The following DHTKD1 variants were observed in gnomAD, a reference collection of about 807,000 sequenced individuals.
The protein encoded by DHTKD1 is 2-oxoadipate dehydrogenase complex component E1.
DHTKD1 carries 78 observed loss-of-function variants against 101.8 expected under a neutral mutation model. That is an observed-to-expected ratio of 0.77 (90% CI 0.64 to 0.93). The LOEUF is 0.93. Among genes scored for constraint, DHTKD1 ranks in the 40% least tolerant of loss-of-function variants. The pLI is 0.00. For missense variants in DHTKD1, 1,223 were observed against 1,161.7 expected, an observed-to-expected ratio of 1.05 and a Z score of -0.77; for synonymous variants, 462 against 450.3, an observed-to-expected ratio of 1.03 and a Z score of -0.33.
intron 7 of DHTKD1, 56 bp from the exon 8 acceptor site, chr10:12,097,626 GTC>G (rs1270621990): frequency 6.8e-7 from 1 of 1,467,794 alleles, no homozygotes; most frequent in African/African-American, 1.4e-5. Context: ...GACTCTCCTT[GTC>G]TCTATTAGAT....
chr10:12,077,495 C>G (rs1345612545), intron 1 of DHTKD1, among the ~76,000 whole-genome samples: 1 of 152,196 alleles, frequency 6.6e-6, no homozygotes, highest in Non-Finnish European at 1.5e-5. Context: ...CCTTGGCCTC[C>G]CAAAGTGCTG....
chr10:12,069,191 G>A lies in DHTKD1; in HGVS notation c.154+4G>A, dbSNP rs900927260. ...GGCGCCCTGGAGCGCCCCCCAGGTC[G>A]GGGATGGGGCCCGGGCGGTGGGAGC... On this transcript the variant is annotated splice_donor_region_variant and intron_variant, in intron 1 of 16. Transcript: ENST00000263035. The A allele has an allele frequency of 6.5e-7, 1 of 1,544,114 alleles. No individual in the cohort carries two copies. The highest frequency in any genetic ancestry group is 1.4e-5 in the African/African-American group (1 of 72,048).
chr10:12,095,579 C>T (rs1411610893), intron 7 of DHTKD1, among the ~76,000 whole-genome samples: 1 of 151,170 alleles, frequency 6.6e-6, no homozygotes, highest in African/African-American at 2.4e-5. Flanking sequence ...TTTGGGAGGC[C>T]GAGGCGGGCG....
chr10:12,121,139 G>C lies in DHTKD1; in HGVS notation c.*251G>C, dbSNP rs1304423233. 8.3e-6 allele frequency: 3 copies of C among 361,096 alleles called. No homozygotes were observed. Among genetic ancestry groups the C allele is most frequent in the African/African-American group, 6.6e-5 (3 of 45,262 alleles). The allele number at this position is 361,096 out of a possible 1,614,324, so 22.4% of individuals were successfully genotyped here. A position where few individuals can be genotyped will look rare whatever the true frequency, so the allele number is the denominator to read the frequency against. Reference sequence around the variant, plus strand: ...GGAGGCTGAGGCAAGAGAATCGCTTGAATCTGGGAGGCGGAGGTTGCAGTG... The same window carrying C: ...GGAGGCTGAGGCAAGAGAATCGCTTCAATCTGGGAGGCGGAGGTTGCAGTG... On this transcript the variant is annotated 3_prime_UTR_variant, in exon 17 of 17. Coordinates refer to ENST00000263035, the MANE Select transcript of DHTKD1 (RefSeq NM_018706.7).
At chr10:12,115,317 G>A (rs142495973) in intron 13 of DHTKD1, among the ~76,000 whole-genome samples, 1,535 of 152,110 alleles carry the variant, frequency 0.01, 34 homozygotes, top group African/African-American at 0.035. Context: ...GGCTGGTCTC[G>A]AACTCCTGGC....
intron 1 of DHTKD1, among the ~76,000 whole-genome samples, chr10:12,071,716 C>G: frequency 6.6e-6 from 1 of 152,126 alleles, no homozygotes; most frequent in African/African-American, 2.4e-5. Context: ...TCACTTGAGA[C>G]AGGGTCTTGC....
chr10:12,117,210 A>G (rs915728114), intron 13 of DHTKD1, among the ~76,000 whole-genome samples: 5 of 150,626 alleles, frequency 3.3e-5, no homozygotes, highest in East Asian at 2.0e-4. Context: ...GGATTTCACC[A>G]TGTTGGCCAG....
At chr10:12,094,692 G>C (rs1469540971) in intron 7 of DHTKD1, among the ~76,000 whole-genome samples, 1 of 151,532 alleles carries the variant, frequency 6.6e-6, no homozygotes, top group Non-Finnish European at 1.5e-5. Flanking sequence ...GAGTGCAGGT[G>C]GCACAGTCTT....
Position 12,120,228 on chromosome 10 carries a change from G to A in DHTKD1, c.2619G>A (p.Ser873=), listed in dbSNP as rs200516805. ...AACCTCAGAACATGGGTCCGTGGTCGTTTGTTTCTCCAAGGTTTGAAAAGC... is the reference window on the plus strand; with the variant it reads ...AACCTCAGAACATGGGTCCGTGGTCATTTGTTTCTCCAAGGTTTGAAAAGC... The part of the protein sequence containing the change: ...QEEPQNMGPW[S]FVSPRFEKQL... The change falls in exon 16 of 17, where the codon TCG becomes TCA. Residue 873 remains serine (S), a synonymous_variant. Transcript: ENST00000263035. 1.3e-5 allele frequency: 21 copies of A among 1,613,814 alleles called. No homozygotes were observed. The highest frequency in any genetic ancestry group is 5.0e-5 in the Admixed American group (3 of 59,980).
rs368839395 is a variant in DHTKD1, at chr10:12,106,408, C to T, written c.2047+12C>T. ...ATTCATCTCTGGAGGTTGGTGTCAGCGTATAGGGTGGGTACAGGTGGGGGT... is the reference window on the plus strand; with the variant it reads ...ATTCATCTCTGGAGGTTGGTGTCAGTGTATAGGGTGGGTACAGGTGGGGGT... On this transcript the variant is annotated intron_variant, in intron 11 of 16. Transcript: ENST00000263035. 29 of 1,613,946 alleles carry T rather than the reference C, an allele frequency of 1.8e-5. No homozygotes were observed. The African/African-American group carries it at 2.8e-4, about 16-fold the overall frequency.
rs1465533213 is a variant in DHTKD1 at position 12,107,018 on chromosome 10, T to A, written c.2047+622T>A. On this transcript the variant is annotated intron_variant, in intron 11 of 16. Transcript: ENST00000263035. This position sits in a 1 kb window ranked among gnomAD's most constrained non-coding sequence, Gnocchi z 4.1. ...TTTTTTTTTTGAGACGGAGTCTCGC[T>A]CTGTCACCCAGGCTGGAGTGCAGTG... Among the ~76,000 whole-genome samples the A allele has an allele frequency of 6.7e-6, 1 of 150,010 alleles. No homozygotes were observed. Among genetic ancestry groups the A allele is most frequent in the African/African-American group, 2.5e-5 (1 of 40,706 alleles).
chr10:12,119,825 A>G (rs929444501), intron 15 of DHTKD1, among the ~76,000 whole-genome samples: 1 of 152,086 alleles, frequency 6.6e-6, no homozygotes, highest in African/African-American at 2.4e-5. Context: ...CCAGAACTTA[A>G]AAAAGAAAAA....
At chr10:12,069,306 T>TG in intron 1 of DHTKD1, 119 bp downstream of exon 1, 1 of 170,602 alleles carries the variant, frequency 5.9e-6, no homozygotes, top group Non-Finnish European at 9.9e-6. Context: ...GCGCGGCCGG[T>TG]GGGGAGGAGG....
In DHTKD1 at chr10:12,094,183, A is replaced by AT. The variant is rs1833034171; in HGVS notation, c.1272dup (p.Ile425TyrfsTer2). ...CCAACGCCAGTTCCGCAAGGATGTG[A>AT]TTATTGATCTGTTGTGCTACAGGCA... is the stretch of plus-strand genomic sequence containing the variant. On this transcript the variant is annotated frameshift_variant, in exon 7 of 17. Transcript: ENST00000263035. LOFTEE classifies it high-confidence loss of function. 2 of 1,614,158 alleles carry AT rather than the reference A, an allele frequency of 1.2e-6. No homozygotes were observed. Among genetic ancestry groups the AT allele is most frequent in the Non-Finnish European group, 1.7e-6 (2 of 1,180,042 alleles).
chr10:12,119,530 G>T (rs1018551795), intron 15 of DHTKD1, among the ~76,000 whole-genome samples: 5 of 146,972 alleles, frequency 3.4e-5, no homozygotes, highest in Admixed American at 2.7e-4. Context: ...GCAGGAGAAT[G>T]GCGTGAACCC....
Position 12,107,907 on chromosome 10 carries a change from A to C in DHTKD1, c.2048-2A>C. 2 of 1,608,282 alleles carry C rather than the reference A, an allele frequency of 1.2e-6. No individual in the cohort carries two copies. The highest frequency in any genetic ancestry group is 1.7e-6 in the Non-Finnish European group (2 of 1,174,832). ...CTTACTCCCCACGTGGTACTTTTCC[A>C]GGAGAGGCCAAGTGGCTCCTACAAA... On this transcript the variant is annotated splice_acceptor_variant, in intron 11 of 16. Transcript: ENST00000263035. LOFTEE classifies it high-confidence loss of function. The surrounding 1 kb of genome is among the most constrained non-coding windows in gnomAD (Gnocchi z 4.1).
At position 12,110,178 on chromosome 10, in the gene DHTKD1, G is replaced by C. The variant is rs1456728009; in HGVS notation, c.2154+2163G>C. ...CCGGGCACGGTGGCAGGCACCTGTA[G>C]TCCCAGCTACTTGGGAGGCTGAGGC... On this transcript the variant is annotated intron_variant, in intron 12 of 16. Transcript: ENST00000263035. This position sits in a 1 kb window ranked among gnomAD's most constrained non-coding sequence, Gnocchi z 4.9. Among the ~76,000 whole-genome samples, 1 of 152,142 alleles carries C rather than the reference G, an allele frequency of 6.6e-6. No homozygotes were observed. Among genetic ancestry groups the C allele is most frequent in the African/African-American group, 2.4e-5 (1 of 41,448 alleles).
At chr10:12,073,090 TG>T (rs1564386614) in intron 1 of DHTKD1, among the ~76,000 whole-genome samples, 1 of 151,664 alleles carries the variant, frequency 6.6e-6, no homozygotes, top group African/African-American at 2.4e-5. Context: ...TGGAGTGCAG[TG>T]GGGTGATTTT....
rs1833205508 is a variant in DHTKD1 at position 12,103,695 on chromosome 10, T to C, written c.1896+2514T>C. Among the ~76,000 whole-genome samples, 1 of 152,106 alleles carries C rather than the reference T, an allele frequency of 6.6e-6. No homozygotes were observed. Among genetic ancestry groups the C allele is most frequent in the African/African-American group, 2.4e-5 (1 of 41,408 alleles). Reference sequence around the variant, plus strand: ...CACGCCTGGCTACTTTTAAATATTTTGTAGAGATAGGAGTCTCACTGTGAT... The same window carrying C: ...CACGCCTGGCTACTTTTAAATATTTCGTAGAGATAGGAGTCTCACTGTGAT... On this transcript the variant is annotated intron_variant, in intron 10 of 16. Transcript: ENST00000263035. The surrounding 1 kb of genome is among the most constrained non-coding windows in gnomAD (Gnocchi z 4.8).
Sources: gnomAD v4.1 joint callset for allele counts (sites outside exome capture counted in the v4.1 genomes callset) on GRCh38, gnomAD v4.1.1 for gene constraint, Gnocchi (gnomAD v3.1) non-coding constraint, MANE v1.5 for transcripts, NCBI Gene and HGNC (gene_info 2026-07-23, HGNC 2026-07-21) for gene names.